SAE1: variants seen among roughly 807,000 people sequenced by gnomAD.
The protein encoded by SAE1 is SUMO1 activating enzyme subunit 1, also known as SUMO-activating enzyme subunit 1.
SAE1 carries 11 observed loss-of-function variants against 40.6 expected under a neutral mutation model. That is an observed-to-expected ratio of 0.27 (90% CI 0.17 to 0.45). SAE1 has a LOEUF of 0.45. Among genes scored for constraint, SAE1 ranks in the 20% least tolerant of loss-of-function variants. The probability of loss-of-function intolerance (pLI) is 1.00; values close to 1 mark genes in which losing one functional copy is unlikely to be tolerated. For synonymous variants in SAE1, 155 were observed against 154.3 expected (o/e 1.00, Z -0.03); for missense variants, 373 against 427.3 (o/e 0.87, Z 1.12).
At chr19:47,190,114 C>A (rs1375198764) in intron 6 of SAE1, among the ~76,000 whole-genome samples, 1 of 152,202 alleles carries the variant, frequency 6.6e-6, no homozygotes, top group Non-Finnish European at 1.5e-5. Context: ...TCCATCATCT[C>A]CAGCAATGAA....
chr19:47,147,875 C>T (rs916048528), intron 2 of SAE1, among the ~76,000 whole-genome samples: 1 of 151,710 alleles, frequency 6.6e-6, no homozygotes, highest in African/African-American at 2.4e-5. Context: ...TCTCCTGCCT[C>T]AGCCTCCCTA....
At chr19:47,196,044 CTTT>C (rs778913288) in intron 6 of SAE1, among the ~76,000 whole-genome samples, 1 of 129,928 alleles carries the variant, frequency 7.7e-6, no homozygotes. Context: ...TCTTCCGGGT[CTTT>C]TTTTTTTTTT....
chr19:47,158,615 C>G (rs76161073), intron 5 of SAE1, among the ~76,000 whole-genome samples: 1 of 152,170 alleles, frequency 6.6e-6, no homozygotes, highest in Non-Finnish European at 1.5e-5. Flanking sequence ...TAGGATAAAC[C>G]GAAAGACGGA....
intron 2 of SAE1, among the ~76,000 whole-genome samples, chr19:47,146,554 G>A (rs2058256382): frequency 6.6e-6 from 1 of 152,136 alleles, no homozygotes; most frequent in Non-Finnish European, 1.5e-5. Context: ...CACTGAAGGG[G>A]CTAGGCACTG....
intron 5 of SAE1, among the ~76,000 whole-genome samples, chr19:47,167,059 C>G (rs1388256331): frequency 6.6e-6 from 1 of 151,882 alleles, no homozygotes; most frequent in African/African-American, 2.4e-5. Context: ...CCAAGTGATT[C>G]TGCTCCCTCA....
intron 6 of SAE1, among the ~76,000 whole-genome samples, chr19:47,172,044 G>A (rs1364608892): frequency 2.0e-5 from 3 of 151,530 alleles, no homozygotes; most frequent in Admixed American, 6.6e-5. Flanking sequence ...TCAGCCTCCC[G>A]AGTAGCTGGG....
chr19:47,204,391 G>A (rs1370331190), intron 8 of SAE1, among the ~76,000 whole-genome samples: 1 of 150,954 alleles, frequency 6.6e-6, no homozygotes, highest in South Asian at 2.1e-4. Flanking sequence ...GTAGAGACAG[G>A]GTTTCACTGT....
chr19:47,176,242 C>T lies in SAE1; in HGVS notation c.733+6319C>T, dbSNP rs756255207. 2.6e-5 allele frequency among the ~76,000 whole-genome samples: 4 copies of T among 152,124 alleles called. No individual in the cohort carries two copies. The South Asian group carries it at 6.2e-4, about 24-fold the overall frequency. ...TGATGTTATATTCCTTTGGATGTAC[C>T]GTCATCTATGACCAGTCTCATCTTG... On this transcript the variant is annotated intron_variant, in intron 6 of 8. Transcript: ENST00000270225.
At chr19:47,141,704 G>A (rs950211664) in intron 1 of SAE1, among the ~76,000 whole-genome samples, 1 of 152,096 alleles carries the variant, frequency 6.6e-6, no homozygotes, top group African/African-American at 2.4e-5. Context: ...AGGGTGGAAT[G>A]TTGTGATTAA....
At chr19:47,147,789 C>T (rs891035597) in intron 2 of SAE1, among the ~76,000 whole-genome samples, 27 of 146,426 alleles carry the variant, frequency 1.8e-4, no homozygotes, top group Non-Finnish European at 4.5e-5. Flanking sequence ...GACAGAGTCT[C>T]GCTCTGTTGC....
chr19:47,179,381 C>T (rs770525576), intron 6 of SAE1, among the ~76,000 whole-genome samples: 30 of 146,548 alleles, frequency 2.0e-4, no homozygotes, highest in Non-Finnish European at 1.7e-4. Context: ...GTGGCACACT[C>T]CTATAATCCT....
chr19:47,205,622 T>C (rs2058682436), intron 8 of SAE1, among the ~76,000 whole-genome samples: 1 of 152,098 alleles, frequency 6.6e-6, no homozygotes, highest in African/African-American at 2.4e-5. Flanking sequence ...GCAATGGGAA[T>C]GTTCTAAGTG....
At chr19:47,149,107 G>A (rs936102838) in intron 2 of SAE1, among the ~76,000 whole-genome samples, 9 of 149,764 alleles carry the variant, frequency 6.0e-5, no homozygotes, top group Middle Eastern at 3.4e-3. Context: ...CTGCTTTGGC[G>A]TCCCAAATTG....
At chr19:47,200,377 C>CTT (rs2058645720) in intron 7 of SAE1, among the ~76,000 whole-genome samples, 2 of 145,592 alleles carry the variant, frequency 1.4e-5, no homozygotes, top group Non-Finnish European at 3.0e-5. Context: ...GGACTATAGG[C>CTT]GTGTACTACC....
intron 7 of SAE1, among the ~76,000 whole-genome samples, chr19:47,203,214 A>G (rs2058665212): frequency 6.6e-6 from 1 of 152,166 alleles, no homozygotes; most frequent in Non-Finnish European, 1.5e-5. Context: ...CTGCCCTCAT[A>G]CTTTAATTTC....
chr19:47,167,320 G>T (rs1427778862), intron 5 of SAE1, among the ~76,000 whole-genome samples: 1 of 150,008 alleles, frequency 6.7e-6, no homozygotes, highest in African/African-American at 2.5e-5. Context: ...AGGCTGGGGT[G>T]TAGTGGCACG....
intron 5 of SAE1, among the ~76,000 whole-genome samples, chr19:47,166,088 A>G (rs989465470): frequency 6.6e-6 from 1 of 152,132 alleles, no homozygotes; most frequent in Admixed American, 6.5e-5. Flanking sequence ...GACAACCCCA[A>G]GCTTCTCAGG....
rs985920836 is a variant in SAE1, at chr19:47,181,813, AT to A, written c.733+11904del. On this transcript the variant is annotated intron_variant, in intron 6 of 8. Coordinates refer to ENST00000270225, the MANE Select transcript of SAE1 (RefSeq NM_005500.3). ...TTTTTTTTTTTTTTAATTTTACAGAATTTTTTTTTTTTTTAAGACAGAGTCT... is the reference window on the plus strand; with the variant it reads ...TTTTTTTTTTTTTTAATTTTACAGAATTTTTTTTTTTTTAAGACAGAGTCT... Among the ~76,000 whole-genome samples the A allele has an allele frequency of 8.3e-3, 829 of 100,234 alleles. 8 individuals carry two copies. Among genetic ancestry groups the A allele is most frequent in the African/African-American group, 0.025 (663 of 26,122 alleles). 65.8% of individuals were successfully genotyped at this position (100,234 alleles called of 152,430 possible). A position where few individuals can be genotyped will look rare whatever the true frequency, so the allele number is the denominator to read the frequency against.
chr19:47,149,891 C>T (rs1343038386), intron 2 of SAE1, among the ~76,000 whole-genome samples: 1 of 151,550 alleles, frequency 6.6e-6, no homozygotes, highest in African/African-American at 2.4e-5. Context: ...TCCTGGCAAA[C>T]GTGGTGAAAC....
Sources: allele counts gnomAD v4.1 joint callset (sites outside exome capture counted in the v4.1 genomes callset), GRCh38; gene constraint gnomAD v4.1.1; transcripts MANE v1.5; gene names NCBI Gene and HGNC (gene_info 2026-07-23, HGNC 2026-07-21).